BPTF: variants seen among roughly 807,000 people sequenced by gnomAD.
BPTF encodes bromodomain PHD finger transcription factor.
In BPTF, 18 loss-of-function variants were observed where a neutral mutation model predicts 292.5. The observed-to-expected ratio is 0.06, with a 90% confidence interval of 0.04 to 0.09. BPTF has a LOEUF of 0.09. Among genes scored for constraint, BPTF ranks in the 10% least tolerant of loss-of-function variants. The pLI is 1.00. For missense variants in BPTF, 2,726 were observed against 3,498.7 expected (o/e 0.78, Z 5.57); for synonymous variants, 1,225 against 1,251.9 (o/e 0.98, Z 0.45).
At chr17:67,845,913 C>T (rs978017231) in intron 1 of BPTF, among the ~76,000 whole-genome samples, 7 of 151,726 alleles carry the variant, frequency 4.6e-5, no homozygotes, top group Admixed American at 3.9e-4. Flanking sequence ...TATCCTAGAG[C>T]CATACTTACT....
chr17:67,960,850 G>A (rs1229507850), intron 24 of BPTF, among the ~76,000 whole-genome samples: 2 of 152,202 alleles, frequency 1.3e-5, no homozygotes, highest in Non-Finnish European at 2.9e-5. Flanking sequence ...CTATCTAAAT[G>A]ATAATCTGTT....
intron 7 of BPTF, among the ~76,000 whole-genome samples, chr17:67,903,586 AT>A (rs1376426625): frequency 2.0e-5 from 3 of 152,190 alleles, no homozygotes; most frequent in Non-Finnish European, 4.4e-5. Flanking sequence ...AGGATATAGT[AT>A]TTCTTGTTTT....
Position 67,948,226 on chromosome 17 carries a change from T to C in BPTF, c.7846T>C (p.Phe2616Leu), listed in dbSNP as rs1226728271. Residue 2616 changes from phenylalanine (F) to leucine (L), a missense_variant, in exon 23 of 28, where the codon TTC becomes CTC. By Grantham distance (22) the Phe-to-Leu change is conservative. Around this residue, in one of 22 missense-constraint regions of BPTF, gnomAD observed 148 missense variants for 145.5 expected, o/e 1.02. Transcript: ENST00000306378. Reference sequence around the variant, plus strand: ...TGCCACTAAGCTGTCAGCTCTGCTCTTCAAGCACAAAGAGCAGCTCAGAGC... The same window carrying C: ...TGCCACTAAGCTGTCAGCTCTGCTCCTCAAGCACAAAGAGCAGCTCAGAGC... The part of the protein sequence containing the change: ...QNATKLSALL[F>L]KHKEQLRAEI... The C allele has an allele frequency of 1.2e-6, 2 of 1,614,184 alleles. No homozygotes were observed. Among genetic ancestry groups the C allele is most frequent in the Non-Finnish European group, 1.7e-6 (2 of 1,180,046 alleles).
chr17:67,868,673 A>G, intron 3 of BPTF, among the ~76,000 whole-genome samples: 1 of 152,192 alleles, frequency 6.6e-6, no homozygotes. Context: ...TTCTGCATAC[A>G]TTATCTGCTA....
At chr17:67,925,814 CCTTAT>C (rs1477946734) in intron 15 of BPTF, among the ~76,000 whole-genome samples, 435 of 130,204 alleles carry the variant, frequency 3.3e-3, no homozygotes, top group African/African-American at 7.4e-3. Context: ...TACTATAGGT[CCTTAT>C]CTTCACTTAC....
chr17:67,918,999 C>T (rs990546113), intron 12 of BPTF, among the ~76,000 whole-genome samples, 161 bp downstream of exon 12: 9 of 151,364 alleles, frequency 5.9e-5, no homozygotes, highest in Admixed American at 1.3e-4. Flanking sequence ...GGTGAAACCC[C>T]GTCTCTACTA....
chr17:67,881,565 G>A (rs926070525), intron 4 of BPTF, among the ~76,000 whole-genome samples: 5 of 130,728 alleles, frequency 3.8e-5, no homozygotes, highest in South Asian at 2.5e-4. Context: ...GCAGTGGTGC[G>A]ATCTTATGGC....
chr17:67,890,036 C>A (rs566579636), intron 4 of BPTF, among the ~76,000 whole-genome samples: 2 of 152,076 alleles, frequency 1.3e-5, no homozygotes, highest in Non-Finnish European at 2.9e-5. Flanking sequence ...AATTACCATA[C>A]CTTAAAAATC....
Position 67,854,794 on chromosome 17 carries a change from C to A in BPTF, c.1436+32C>A, listed in dbSNP as rs2058594169. 1.3e-6 allele frequency: 2 copies of A among 1,502,710 alleles called. No individual in the cohort carries two copies. The highest frequency in any genetic ancestry group is 9.2e-7 in the Non-Finnish European group (1 of 1,090,902). 93.1% of individuals were successfully genotyped at this position (1,502,710 alleles called of 1,614,324 possible). On this transcript the variant is annotated intron_variant, in intron 2 of 27. Transcript: ENST00000306378. The surrounding 1 kb of genome is among the most constrained non-coding windows in gnomAD (Gnocchi z 5.6). ...AAATCTGGTCTTAATTTTTTGTATG[C>A]ATTTAAAATTAGACTAGTTTCCTTC...
At chr17:67,857,613 T>A (rs2058780901) in intron 2 of BPTF, among the ~76,000 whole-genome samples, 1 of 151,602 alleles carries the variant, frequency 6.6e-6, no homozygotes, top group Non-Finnish European at 1.5e-5. Flanking sequence ...ACTACAGGTG[T>A]GTGCTACCAT....
At chr17:67,886,177 C>G in intron 4 of BPTF, 1 of 1,613,492 alleles carries the variant, frequency 6.2e-7, no homozygotes, top group Non-Finnish European at 8.5e-7. Flanking sequence ...CTACCACTAC[C>G]TCCATCCAGC....
intron 1 of BPTF, among the ~76,000 whole-genome samples, chr17:67,849,663 C>T (rs1053153461): frequency 4.6e-5 from 7 of 151,856 alleles, no homozygotes; most frequent in African/African-American, 7.3e-5. Context: ...CTCGGCTGGG[C>T]GTGGTGGCTC....
At chr17:67,981,982 CAAATATATATATAT>C (rs1458291202) in intron 27 of BPTF, among the ~76,000 whole-genome samples, 67 of 91,772 alleles carry the variant, frequency 7.3e-4, no homozygotes, top group Admixed American at 1.9e-3. Flanking sequence ...CTTTATTAGA[CAAATATATATATAT>C]ATATATATAT....
chr17:67,826,587 C>CA (rs1555605610), intron 1 of BPTF, among the ~76,000 whole-genome samples: 3 of 148,034 alleles, frequency 2.0e-5, no homozygotes, highest in Non-Finnish European at 4.5e-5. Context: ...CTCTCCCCCC[C>CA]CCAACCCCCT....
chr17:67,879,097 G>A (rs190142917), intron 4 of BPTF, among the ~76,000 whole-genome samples: 120 of 148,894 alleles, frequency 8.1e-4, no homozygotes, highest in African/African-American at 2.8e-3. Context: ...TCATGAGTTG[G>A]TACTAGAAGA....
intron 4 of BPTF, 66 bp from the exon 5 acceptor site, chr17:67,891,778 G>T: frequency 1.6e-6 from 2 of 1,290,048 alleles, no homozygotes; most frequent in South Asian, 1.8e-5. Context: ...GAGTTTTGGT[G>T]AAATAAGGTG....
Position 67,940,413 on chromosome 17 carries a change from T to C in BPTF, c.6260-26T>C, listed in dbSNP as rs1555671316. 2.5e-6 allele frequency: 4 copies of C among 1,599,492 alleles called. No homozygotes were observed. The African/African-American group carries it at 5.4e-5, about 21-fold the overall frequency. On this transcript the variant is annotated intron_variant, in intron 18 of 27. Coordinates refer to ENST00000306378, the MANE Select transcript of BPTF (RefSeq NM_182641.4). Reference sequence around the variant, plus strand: ...AAATAATGCCAAGGGTGTATAAGCATTCATAATGTTTTGCTGTTTGGGTAG... The same window carrying C: ...AAATAATGCCAAGGGTGTATAAGCACTCATAATGTTTTGCTGTTTGGGTAG...
chr17:67,981,644 A>G (rs1185857960), intron 27 of BPTF: 2 of 1,024,176 alleles, frequency 2.0e-6, no homozygotes, highest in African/African-American at 3.5e-5. Context: ...AAAATTGTAA[A>G]CTCTTGGAAT....
chr17:67,942,345 CATT>C (rs781978440), intron 19 of BPTF, among the ~76,000 whole-genome samples: 1 of 151,838 alleles, frequency 6.6e-6, no homozygotes, highest in African/African-American at 2.4e-5. Context: ...GACAAACCAA[CATT>C]ATGAGGAAAG....
Sources: gnomAD v4.1 joint callset for allele counts (sites outside exome capture counted in the v4.1 genomes callset) on GRCh38, gnomAD v4.1.1 for gene constraint, gnomAD v4.1.1 regional missense constraint, Gnocchi (gnomAD v3.1) non-coding constraint, MANE v1.5 for transcripts, NCBI Gene and HGNC (gene_info 2026-07-23, HGNC 2026-07-21) for gene names.